Variants in SKP1 observed in about 807,000 individuals in gnomAD.
SKP1 encodes the protein S-phase kinase associated protein 1.
In SKP1, 1 loss-of-function variant was observed where a neutral mutation model predicts 21.5. The observed-to-expected ratio is 0.05, with a 90% CI of 0.02 to 0.22. SKP1 has a LOEUF of 0.22. Among genes scored for constraint, SKP1 ranks in the 10% least tolerant of loss-of-function variants. SKP1 has a pLI of 1.00. For missense variants in SKP1, 70 were observed against 192.0 expected (o/e 0.36, Z 3.76); for synonymous variants, 59 against 59.3 (o/e 0.99, Z 0.03).
rs914313693 is a variant in SKP1, at chr5:134,155,508, TTTG to T, written c.*2222_*2224del. 3 of 152,232 alleles carry T rather than the reference TTTG, an allele frequency of 2.0e-5. No individual in the cohort carries two copies. The highest frequency in any genetic ancestry group is 4.8e-5 in the African/African-American group (2 of 41,454). The allele number at this position is 152,232 out of a possible 1,614,324, so 9.4% of individuals were successfully genotyped here. A position where few individuals can be genotyped will look rare whatever the true frequency, so the allele number is the denominator to read the frequency against. The stretch of plus-strand genomic sequence containing the variant: ...TAAAAGTTTAAGATTACTAGGATTT[TTTG>T]TTGTTTGTTTAGGGACTACAGAAAG... On this transcript the variant is annotated 3_prime_UTR_variant, in exon 6 of 6. Transcript: ENST00000353411.
intron 1 of SKP1, chr5:134,174,397 A>C (rs1761500217): frequency 1.7e-6 from 1 of 593,330 alleles, no homozygotes; most frequent in African/African-American, 2.0e-5. Context: ...GAACCTGAGG[A>C]AGGTCAGTCC....
Position 134,150,929 on chromosome 5 carries a change from A to T in SKP1, c.*6804T>A, listed in dbSNP as rs1761033174. The T allele has an allele frequency of 6.6e-6, 1 of 152,264 alleles. No individual in the cohort carries two copies. Among genetic ancestry groups the T allele is most frequent in the African/African-American group, 2.4e-5 (1 of 41,472 alleles). The allele number at this position is 152,264 out of a possible 1,614,324, so 9.4% of individuals were successfully genotyped here. On this transcript the variant is annotated 3_prime_UTR_variant, in exon 6 of 6. Transcript: ENST00000353411. ...ATGTTCACATACACAGTCCCTTAGA[A>T]TAAAAGCCTAGCTCAGGTCAGGAAG...
intron 5 of SKP1, 38 bp from the exon 6 acceptor site, chr5:134,157,806 G>GTAGTC: frequency 1.2e-6 from 2 of 1,611,790 alleles, no homozygotes; most frequent in Non-Finnish European, 8.5e-7. Context: ...CTTAACTTGA[G>GTAGTC]TAGTCTTTCC....
Position 134,174,039 on chromosome 5 carries a change from T to C in SKP1, c.1-17A>G, listed in dbSNP as rs1406319380. On this transcript the variant is annotated splice_polypyrimidine_tract_variant and intron_variant, in intron 1 of 5. Coordinates refer to ENST00000353411, the MANE Select transcript of SKP1 (RefSeq NM_170679.3). Reference sequence around the variant, plus strand: ...TGAAGGCATCTAAAAAAAAAGGACATTAAATATAAAATTTAAGAGAGAGAG... The same window carrying C: ...TGAAGGCATCTAAAAAAAAAGGACACTAAATATAAAATTTAAGAGAGAGAG... 5 of 1,459,998 alleles carry C rather than the reference T, an allele frequency of 3.4e-6. No homozygotes were observed. The highest frequency in any genetic ancestry group is 2.8e-5 in the African/African-American group (2 of 72,214). The allele number at this position is 1,459,998 out of a possible 1,614,324, so 90.4% of individuals were successfully genotyped here. A position where few individuals can be genotyped will look rare whatever the true frequency, so the allele number is the denominator to read the frequency against.
intron 1 of SKP1, among the ~76,000 whole-genome samples, chr5:134,175,856 GA>G (rs1761530814): frequency 6.6e-6 from 1 of 152,130 alleles, no homozygotes; most frequent in African/African-American, 2.4e-5. Flanking sequence ...CCATTCTAAA[GA>G]AAGAGGCCTA....
intron 4 of SKP1, among the ~76,000 whole-genome samples, chr5:134,159,895 C>G (rs1490209491): frequency 6.6e-6 from 1 of 150,834 alleles, no homozygotes; most frequent in Non-Finnish European, 1.5e-5. Context: ...GCTGGCCAGG[C>G]TGGTCTTGAA....
chr5:134,165,058 A>AT (rs1239376103), intron 3 of SKP1, among the ~76,000 whole-genome samples: 19 of 110,978 alleles, frequency 1.7e-4, no homozygotes, highest in East Asian at 5.4e-4. Flanking sequence ...GGGTGTACCA[A>AT]TTTTTTTTTT....
Position 134,152,187 on chromosome 5 carries a change from A to C in SKP1, c.*5546T>G, listed in dbSNP as rs1761053635. ...GGTTTAGTTGAACAGCCAAAAAATA[A>C]ATAAATAAAAATTAAAATTAAAAAA... On this transcript the variant is annotated 3_prime_UTR_variant, in exon 6 of 6. Coordinates refer to ENST00000353411, the MANE Select transcript of SKP1 (RefSeq NM_170679.3). The C allele has an allele frequency of 6.6e-6, 1 of 151,770 alleles. No individual in the cohort carries two copies. The highest frequency in any genetic ancestry group is 1.5e-5 in the Non-Finnish European group (1 of 68,068). The allele number at this position is 151,770 out of a possible 1,614,324, so 9.4% of individuals were successfully genotyped here.
intron 4 of SKP1, among the ~76,000 whole-genome samples, 191 bp downstream of exon 4, chr5:134,160,796 G>A (rs1453611565): frequency 6.6e-6 from 1 of 152,156 alleles, no homozygotes; most frequent in Non-Finnish European, 1.5e-5. Flanking sequence ...TTCTGATCTG[G>A]TAATTTCTGC....
At chr5:134,174,428 A>T (rs1761500852) in intron 1 of SKP1, 6 of 942,164 alleles carry the variant, frequency 6.4e-6, no homozygotes, top group Non-Finnish European at 5.1e-6. Context: ...ACGCTACTAA[A>T]TAAGATAGAA....
At chr5:134,170,549 T>C (rs2149376694) in intron 2 of SKP1, among the ~76,000 whole-genome samples, 1 of 152,260 alleles carries the variant, frequency 6.6e-6, no homozygotes, top group East Asian at 1.9e-4. Context: ...CTAAGTCACA[T>C]AAAACCCATA....
rs1761035760 is a variant in SKP1, at chr5:134,151,082, A to G, written c.*6651T>C. The G allele has an allele frequency of 6.6e-6, 1 of 152,236 alleles. No individual in the cohort carries two copies. Among genetic ancestry groups the G allele is most frequent in the African/African-American group, 2.4e-5 (1 of 41,446 alleles). The allele number at this position is 152,236 out of a possible 1,614,324, so 9.4% of individuals were successfully genotyped here. ...CAAGTTAGGTCACTATTGGTAAGGG[A>G]TGTTTCACTTCTGAAGACAAGATAG... On this transcript the variant is annotated 3_prime_UTR_variant, in exon 6 of 6. Transcript: ENST00000353411.
intron 3 of SKP1, among the ~76,000 whole-genome samples, chr5:134,162,962 C>T (rs1761246995): frequency 6.6e-6 from 1 of 151,820 alleles, no homozygotes; most frequent in Non-Finnish European, 1.5e-5. Flanking sequence ...CACCTGTAAT[C>T]CTAGCACTTT....
chr5:134,160,497 G>A (rs1761200451), intron 4 of SKP1, among the ~76,000 whole-genome samples: 1 of 152,004 alleles, frequency 6.6e-6, no homozygotes, highest in Admixed American at 6.6e-5. Flanking sequence ...TCACTTTGTG[G>A]ACTTCTTTGA....
Position 134,149,669 on chromosome 5 carries a change from ATTCTG to A in SKP1, c.*8059_*8063del, listed in dbSNP as rs1227280594. ...CTGGACATCTGTCCCATTTTAAAGA[ATTCTG>A]TTCTGGCTACTGGCCTAGTTGTTTA... On this transcript the variant is annotated 3_prime_UTR_variant, in exon 6 of 6. Coordinates refer to ENST00000353411, the MANE Select transcript of SKP1 (RefSeq NM_170679.3). The A allele has an allele frequency of 1.3e-5, 2 of 152,322 alleles. No individual in the cohort carries two copies. The highest frequency in any genetic ancestry group is 4.8e-5 in the African/African-American group (2 of 41,556). The allele number at this position is 152,322 out of a possible 1,614,324, so 9.4% of individuals were successfully genotyped here. A position where few individuals can be genotyped will look rare whatever the true frequency, so the allele number is the denominator to read the frequency against.
chr5:134,172,937 G>A (rs1052581743), intron 2 of SKP1, among the ~76,000 whole-genome samples: 10 of 151,178 alleles, frequency 6.6e-5, no homozygotes, highest in Non-Finnish European at 7.4e-5. Flanking sequence ...ACTTGAACCC[G>A]GGGGGCAGAG....
rs1365537525 is a variant in SKP1 at position 134,149,736 on chromosome 5, A to T, written c.*7997T>A. ...TTCTAACCAGGGCTTATGCAAGACC[A>T]GGTTGCTGCATCTGATTTGGTGTCT... On this transcript the variant is annotated 3_prime_UTR_variant, in exon 6 of 6. Transcript: ENST00000353411. The T allele has an allele frequency of 2.6e-5, 4 of 151,176 alleles. No individual in the cohort carries two copies. The highest frequency in any genetic ancestry group is 7.4e-5 in the African/African-American group (3 of 40,814). The allele number at this position is 151,176 out of a possible 1,614,324, so 9.4% of individuals were successfully genotyped here.
intron 3 of SKP1, chr5:134,161,962 A>G (rs1761228452): frequency 6.6e-6 from 1 of 151,926 alleles, no homozygotes; most frequent in Non-Finnish European, 1.5e-5. Flanking sequence ...AATTCTTTCC[A>G]TTTTTCTGTA....
chr5:134,159,612 A>G (rs987364002), intron 4 of SKP1, among the ~76,000 whole-genome samples: 3 of 150,690 alleles, frequency 2.0e-5, no homozygotes, highest in Non-Finnish European at 2.9e-5. Context: ...CAGTGGTGCG[A>G]TATCGGCTCA....
Sources: allele counts gnomAD v4.1 joint callset (sites outside exome capture counted in the v4.1 genomes callset), GRCh38; gene constraint gnomAD v4.1.1; transcripts MANE v1.5; gene names NCBI Gene and HGNC (gene_info 2026-07-23, HGNC 2026-07-21).